The following MROH2B variants were observed in gnomAD, a reference collection of about 807,000 sequenced individuals.
MROH2B encodes maestro heat-like repeat-containing protein family member 2B.
MROH2B carries 177 observed loss-of-function variants against 208.6 expected under a neutral mutation model. The ratio of observed to expected loss-of-function variants is 0.85; its 90% CI spans 0.75 to 0.96. The LOEUF is 0.96. Among genes scored for constraint, MROH2B ranks in the 40% least tolerant of loss-of-function variants. The pLI, the probability that MROH2B is intolerant of heterozygous loss-of-function variation, is 0.00. For missense variants in MROH2B, 2,002 were observed against 1,878.7 expected (o/e 1.07, Z -1.21); for synonymous variants, 728 against 659.0 (o/e 1.10, Z -1.60).
chr5:41,029,950 T>C (rs982432253), intron 24 of MROH2B, among the ~76,000 whole-genome samples: 2 of 151,678 alleles, frequency 1.3e-5, no homozygotes, highest in Non-Finnish European at 2.9e-5. Flanking sequence ...AAATCTAAAA[T>C]AAAAGTTGAA....
At chr5:41,017,767 C>T in intron 28 of MROH2B, 83 bp downstream of exon 28, 1 of 1,442,236 alleles carries the variant, frequency 6.9e-7, no homozygotes, top group Non-Finnish European at 9.2e-7. Context: ...GGGAGAGAGA[C>T]ATAGGTGCAT....
Position 41,032,758 on chromosome 5 carries a change from C to G in MROH2B, c.2425G>C (p.Ala809Pro). The change falls in exon 24 of 42, where the codon GCC becomes CCC. Residue 809 changes from alanine (A) to proline (P), a missense_variant. Transcript: ENST00000399564. ...ASPIRWKALI[A>P]IRYLSKLKPQ... Reference sequence around the variant, plus strand: ...ATTATCTACCTGAGATACCTAATGGCGATTAAGGCTTTCCACCGAATAGGG... The same window carrying G: ...ATTATCTACCTGAGATACCTAATGGGGATTAAGGCTTTCCACCGAATAGGG... 1 of 1,612,220 alleles carries G rather than the reference C, an allele frequency of 6.2e-7. No individual in the cohort carries two copies. Among genetic ancestry groups the G allele is most frequent in the South Asian group, 1.1e-5 (1 of 90,878 alleles).
intron 24 of MROH2B, among the ~76,000 whole-genome samples, chr5:41,023,954 A>G (rs1479255381): frequency 2.6e-5 from 4 of 152,204 alleles, no homozygotes; most frequent in Non-Finnish European, 5.9e-5. Context: ...ATAAAGGAGA[A>G]ATAAAATCCT....
chr5:41,038,854 G>A lies in MROH2B; in HGVS notation c.2096C>T (p.Thr699Ile), dbSNP rs761846613. 1.9e-6 allele frequency: 3 copies of A among 1,611,608 alleles called. No homozygotes were observed. The highest frequency in any genetic ancestry group is 2.5e-6 in the Non-Finnish European group (3 of 1,179,126). Residue 699 changes from threonine (T) to isoleucine (I), a missense_variant, in exon 21 of 42, where the codon ACA (threonine) becomes ATA (isoleucine). Thr to Ile is a moderately conservative substitution (Grantham distance 89). Coordinates refer to ENST00000399564, the MANE Select transcript of MROH2B (RefSeq NM_173489.5). ...LFSGKKSLTK[T>I]DVMVIYGAVA... The stretch of plus-strand genomic sequence containing the variant: ...TGCTCCATAGATGACCATGACATCT[G>A]TCTTGGTCAGGCTCTTTTTCCCAGA...
chr5:41,009,134 G>A (rs1741688217), intron 32 of MROH2B, 146 bp downstream of exon 32: 6 of 1,137,152 alleles, frequency 5.3e-6, no homozygotes, highest in Non-Finnish European at 7.3e-6. Context: ...GACAAAAGTA[G>A]AGCCACAACT....
intron 24 of MROH2B, among the ~76,000 whole-genome samples, chr5:41,032,460 A>G (rs572234149): frequency 3.3e-5 from 5 of 152,250 alleles, no homozygotes; most frequent in African/African-American, 1.2e-4. Context: ...AAGATCTAGA[A>G]AGAAGAATTT....
chr5:41,046,714 C>A (rs1561298768), intron 17 of MROH2B, among the ~76,000 whole-genome samples: 1 of 151,806 alleles, frequency 6.6e-6, no homozygotes, highest in Non-Finnish European at 1.5e-5. Flanking sequence ...GTCAAGACTT[C>A]CTACTAGAAA....
At position 41,071,023 on chromosome 5, in the gene MROH2B, G is replaced by A. The variant is rs1680801472; in HGVS notation, c.-171C>T. The A allele has an allele frequency of 1.6e-6, 1 of 620,402 alleles. No individual in the cohort carries two copies. The allele number at this position is 620,402 out of a possible 1,614,324, so 38.4% of individuals were successfully genotyped here. ...GCACAATGGTCTGGGAGCTTCCAGA[G>A]ATGGGCTTGCTGTTGAAGTTGATAC... On this transcript the variant is annotated 5_prime_UTR_variant, in exon 1 of 42. Transcript: ENST00000399564.
At chr5:41,019,536 T>A (rs1380362739) in intron 24 of MROH2B, among the ~76,000 whole-genome samples, 2 of 152,256 alleles carry the variant, frequency 1.3e-5, no homozygotes, top group East Asian at 3.8e-4. Flanking sequence ...TCTTCCTTTC[T>A]GCCTTTCTTT....
chr5:41,045,809 G>A lies in MROH2B; in HGVS notation c.1773C>T (p.Thr591=). 1 of 1,613,412 alleles carries A rather than the reference G, an allele frequency of 6.2e-7. No individual in the cohort carries two copies. The highest frequency in any genetic ancestry group is 8.5e-7 in the Non-Finnish European group (1 of 1,179,510). The change falls in exon 18 of 42, where the codon ACC becomes ACT. Residue 591 remains threonine (T), a synonymous_variant. Coordinates refer to ENST00000399564, the MANE Select transcript of MROH2B (RefSeq NM_173489.5). ...GTTTGAAATCCTGAGTCAGCTGAAT[G>A]GTCCAGGCCACATCACTGATCTTCC... is the stretch of plus-strand genomic sequence containing the variant. ...SLWKISDVAW[T]IQLTQDFKQQ... is the part of the protein sequence containing the mutation.
At position 40,998,680 on chromosome 5, in the gene MROH2B, A is replaced by G; in HGVS notation, c.4586-3T>C. 1 of 1,576,842 alleles carries G rather than the reference A, an allele frequency of 6.3e-7. No homozygotes were observed. The highest frequency in any genetic ancestry group is 8.6e-7 in the Non-Finnish European group (1 of 1,159,668). ...GGTCAAATTGAGAACAACGGCATCT[A>G]AAGTTAATAGGAGACCATGTTACTG... On this transcript the variant is annotated splice_polypyrimidine_tract_variant and splice_region_variant and intron_variant, in intron 40 of 41. Transcript: ENST00000399564.
chr5:41,053,747 G>T (rs139680922), intron 11 of MROH2B, among the ~76,000 whole-genome samples: 13 of 152,094 alleles, frequency 8.5e-5, no homozygotes, highest in Admixed American at 2.6e-4. Context: ...TTTGTCTTTT[G>T]TCAGTTACTA....
intron 6 of MROH2B, among the ~76,000 whole-genome samples, chr5:41,061,301 T>A (rs1743629104): frequency 6.6e-6 from 1 of 152,152 alleles, no homozygotes; most frequent in Admixed American, 6.6e-5. Flanking sequence ...ATTTCATGAG[T>A]GTGGGATTTT....
chr5:41,054,773 A>C lies in MROH2B; in HGVS notation c.1101T>G (p.Ser367Arg). 1 of 1,607,226 alleles carries C rather than the reference A, an allele frequency of 6.2e-7. No individual in the cohort carries two copies. Among genetic ancestry groups the C allele is most frequent in the South Asian group, 1.1e-5 (1 of 89,656 alleles). Residue 367 changes from serine to arginine, a missense_variant, in exon 11 of 42, where the codon AGT becomes AGG. Ser to Arg is a moderately radical substitution (Grantham distance 110). Transcript: ENST00000399564. ...RTVKIVMGDLSTKVRNSVLLL... is the reference protein window; with the variant it reads ...RTVKIVMGDLRTKVRNSVLLL... ...TTTCTATTAATTCTCTTACTTTTGT[A>C]CTGAGATCACCCATGACGATTTTGA... is the stretch of plus-strand genomic sequence containing the variant.
intron 24 of MROH2B, among the ~76,000 whole-genome samples, chr5:41,025,676 C>T (rs1579924343): frequency 6.6e-6 from 1 of 152,284 alleles, no homozygotes; most frequent in South Asian, 2.1e-4. Context: ...TCCTCCCTAA[C>T]TCATTTTATG....
intron 37 of MROH2B, among the ~76,000 whole-genome samples, chr5:41,002,008 A>T (rs1741413500): frequency 6.6e-6 from 1 of 152,314 alleles, no homozygotes; most frequent in Middle Eastern, 3.4e-3. Flanking sequence ...AAGAGGCCAG[A>T]AAAGCTCAGA....
chr5:41,036,730 C>T (rs1742771752), intron 21 of MROH2B, among the ~76,000 whole-genome samples: 1 of 152,062 alleles, frequency 6.6e-6, no homozygotes, highest in South Asian at 2.1e-4. Flanking sequence ...TTGCTCACTA[C>T]CTGGGTGCAA....
At chr5:41,058,227 C>T (rs772135345) in intron 6 of MROH2B, 24 bp from the exon 7 acceptor site, 1 of 1,470,270 alleles carries the variant, frequency 6.8e-7, no homozygotes, top group East Asian at 2.6e-5. Flanking sequence ...AAACAAATAC[C>T]GTTTCTGAAA....
chr5:41,066,430 G>C (rs1320375109), intron 3 of MROH2B, among the ~76,000 whole-genome samples: 1 of 152,158 alleles, frequency 6.6e-6, no homozygotes, highest in Non-Finnish European at 1.5e-5. Flanking sequence ...AGACTGTTTT[G>C]TTGCATTTTG....
Sources: allele counts gnomAD v4.1 joint callset (sites outside exome capture counted in the v4.1 genomes callset), GRCh38; gene constraint gnomAD v4.1.1; transcripts MANE v1.5; gene names NCBI Gene and HGNC (gene_info 2026-07-23, HGNC 2026-07-21).